Variants in RUSC2 observed in about 807,000 individuals in gnomAD.
The protein encoded by RUSC2 is AP-4 complex accessory subunit RUSC2.
Under a neutral mutation model 122.2 loss-of-function variants are expected in RUSC2, and 34 were observed. The ratio of observed to expected loss-of-function variants is 0.28; its 90% CI spans 0.21 to 0.37. The LOEUF is 0.37. RUSC2 is among the 10% of genes least tolerant of loss of function. The pLI, the probability that RUSC2 is intolerant of heterozygous loss-of-function variation, is 1.00. For synonymous variants in RUSC2, 784 were observed against 790.0 expected (o/e 0.99, Z 0.13); for missense variants, 1,747 against 1,952.4 (o/e 0.89, Z 1.98).
Position 35,556,392 on chromosome 9 carries a change from G to A in RUSC2, c.2927G>A (p.Cys976Tyr). The A allele has an allele frequency of 6.2e-7, 1 of 1,614,184 alleles. No individual in the cohort carries two copies. Among genetic ancestry groups the A allele is most frequent in the Non-Finnish European group, 8.5e-7 (1 of 1,180,030 alleles). Residue 976 changes from cysteine (C) to tyrosine (Y), a missense_variant, in exon 5 of 12, where the codon TGT becomes TAT. Cys to Tyr is a radical substitution (Grantham distance 194). Transcript: ENST00000361226. ...SLTEKPPAEFCLSPDGSSEAI... is the reference protein window; with the variant it reads ...SLTEKPPAEFYLSPDGSSEAI... ...ACGGAGAAGCCTCCAGCTGAGTTTT[G>A]TCTGTCCCCAGATGGCAGCTCAGAG...
At chr9:35,530,778 T>C (rs1257474436) in intron 1 of RUSC2, among the ~76,000 whole-genome samples, 3 of 151,862 alleles carry the variant, frequency 2.0e-5, no homozygotes, top group Admixed American at 1.3e-4. Context: ...CAGCTGGGAT[T>C]ACACACACAC....
In RUSC2 at chr9:35,558,474, A is replaced by G. The variant is rs1344038665; in HGVS notation, c.3248A>G (p.Lys1083Arg). The part of the protein sequence containing the change: ...EASTQLGPST[K>R]VLHGLYNKVS... ...GGCTTCCTCCCAGGCCCATCCACCA[A>G]GGTCCTGCATGGCCTCTACAACAAA... Residue 1083 changes from lysine (K) to arginine (R), a missense_variant, in exon 8 of 12, where the codon AAG becomes AGG. By Grantham distance (26) the Lys-to-Arg change is conservative. Coordinates refer to ENST00000361226, the MANE Select transcript of RUSC2 (RefSeq NM_014806.5). This position sits in a 1 kb window ranked among gnomAD's most constrained non-coding sequence, Gnocchi z 4.3. The G allele has an allele frequency of 1.2e-6, 2 of 1,614,082 alleles. No individual in the cohort carries two copies. Among genetic ancestry groups the G allele is most frequent in the South Asian group, 1.1e-5 (1 of 91,080 alleles).
At chr9:35,556,621 G>A (rs748817903) in intron 5 of RUSC2, among the ~76,000 whole-genome samples, 173 bp downstream of exon 5, 2 of 152,148 alleles carry the variant, frequency 1.3e-5, no homozygotes, top group Admixed American at 1.3e-4. Context: ...TCAGGAGTTC[G>A]AGGCCAGCCT....
At chr9:35,544,317 T>TTTTTA (rs1469274280) in intron 1 of RUSC2, among the ~76,000 whole-genome samples, 1 of 147,354 alleles carries the variant, frequency 6.8e-6, no homozygotes. Context: ...CTTTTTTTTT[T>TTTTTA]TTTTTTTTTG....
intron 1 of RUSC2, among the ~76,000 whole-genome samples, chr9:35,538,256 G>T (rs568140060): frequency 2.6e-5 from 4 of 152,166 alleles, no homozygotes; most frequent in African/African-American, 7.2e-5. Context: ...ATTGAATACC[G>T]TGTTAGGAAG....
chr9:35,542,896 G>A (rs1249220074), intron 1 of RUSC2, among the ~76,000 whole-genome samples: 2 of 152,122 alleles, frequency 1.3e-5, no homozygotes, highest in South Asian at 2.1e-4. Flanking sequence ...TGGTTTTGTG[G>A]CAGAATCATA....
rs899546143 is a variant in RUSC2, at chr9:35,555,424, T to C, written c.2379T>C (p.Thr793=). 6.2e-6 allele frequency: 10 copies of C among 1,614,110 alleles called. No individual in the cohort carries two copies. The highest frequency in any genetic ancestry group is 1.7e-5 in the Admixed American group (1 of 60,010). Residue 793 remains threonine, a synonymous_variant, in exon 3 of 12, where the codon ACT becomes ACC. Coordinates refer to ENST00000361226, the MANE Select transcript of RUSC2 (RefSeq NM_014806.5). The surrounding 1 kb of genome is among the most constrained non-coding windows in gnomAD (Gnocchi z 4.6). ...IRSVGPFGPS[T]DSSASTSCSP... is the part of the protein sequence containing the mutation. ...GTGTTGGCCCCTTTGGGCCCAGCAC[T>C]GACTCTTCTGCCTCCACTTCGTGCT...
At chr9:35,517,746 T>C (rs1274315807) in intron 1 of RUSC2, among the ~76,000 whole-genome samples, 4 of 152,174 alleles carry the variant, frequency 2.6e-5, no homozygotes, top group Admixed American at 2.6e-4. Context: ...GTGGCCACTG[T>C]GACCCTAGAA....
At chr9:35,490,489 C>A (rs1820543767) in intron 1 of RUSC2, among the ~76,000 whole-genome samples, 1 of 152,116 alleles carries the variant, frequency 6.6e-6, no homozygotes, top group African/African-American at 2.4e-5. Context: ...CTCAAACTGC[C>A]CCCTTGGGGA....
Position 35,558,415 on chromosome 9 carries a change from G to A in RUSC2, c.3235+44G>A, listed in dbSNP as rs369863390. 3.5e-4 allele frequency: 559 copies of A among 1,613,804 alleles called. No homozygotes were observed. Among genetic ancestry groups the A allele is most frequent in the Non-Finnish European group, 4.4e-4 (524 of 1,179,866 alleles). ...GACGGGGACCCAGGGCTGAATTTAG[G>A]GCTCCAGAAATTGGTCATGTGACCT... is the stretch of plus-strand genomic sequence containing the variant. On this transcript the variant is annotated intron_variant, in intron 7 of 11. Coordinates refer to ENST00000361226, the MANE Select transcript of RUSC2 (RefSeq NM_014806.5). The surrounding 1 kb of genome is among the most constrained non-coding windows in gnomAD (Gnocchi z 4.3).
At chr9:35,512,223 C>G (rs1172626939) in intron 1 of RUSC2, among the ~76,000 whole-genome samples, 1 of 152,022 alleles carries the variant, frequency 6.6e-6, no homozygotes, top group Non-Finnish European at 1.5e-5. Flanking sequence ...TCAGGTATAA[C>G]TCTTCTTTTA....
At chr9:35,495,200 ATAATTT>A (rs367869718) in intron 1 of RUSC2, among the ~76,000 whole-genome samples, 1,623 of 16,344 alleles carry the variant, frequency 0.099, 117 homozygotes, top group Non-Finnish European at 0.16. Context: ...TTATTATAAT[ATAATTT>A]ATTATATATA....
intron 1 of RUSC2, among the ~76,000 whole-genome samples, chr9:35,493,553 G>C (rs1479122210): frequency 1.3e-5 from 2 of 152,136 alleles, no homozygotes; most frequent in African/African-American, 4.8e-5. Flanking sequence ...AACCAGGCTA[G>C]AGTGCAGTGG....
intron 1 of RUSC2, among the ~76,000 whole-genome samples, chr9:35,521,024 T>A (rs1453645115): frequency 6.6e-6 from 1 of 152,048 alleles, no homozygotes; most frequent in Non-Finnish European, 1.5e-5. Flanking sequence ...TACAACAAAT[T>A]CCCAGTCTCT....
chr9:35,540,107 C>T (rs564247978), intron 1 of RUSC2, among the ~76,000 whole-genome samples: 1 of 152,296 alleles, frequency 6.6e-6, no homozygotes, highest in South Asian at 2.1e-4. Flanking sequence ...CCCATTTCCA[C>T]ACCTGTAATC....
chr9:35,560,716 G>T lies in RUSC2; in HGVS notation c.4076G>T (p.Ser1359Ile). 6.4e-7 allele frequency: 1 copy of T among 1,551,840 alleles called. No homozygotes were observed. The highest frequency in any genetic ancestry group is 1.2e-5 in the South Asian group (1 of 83,504). Residue 1359 changes from serine to isoleucine, a missense_variant, in exon 10 of 12, where the codon AGT (serine) becomes ATT (isoleucine). Ser to Ile is a moderately radical substitution (Grantham distance 142). Coordinates refer to ENST00000361226, the MANE Select transcript of RUSC2 (RefSeq NM_014806.5). ...TCTGTGCTGGCCGAGCTGAGGCGCA[G>T]TCGGGAGAGGGAAGGGCCCGCTGCC... ...PDSVLAELRR[S>I]REREGPAASP... is the part of the protein sequence containing the mutation.
rs55870659 is a variant in RUSC2 at position 35,544,307 on chromosome 9, C to CTTTTTTTTTT, written c.-92-2113_-92-2104dup. On this transcript the variant is annotated intron_variant, in intron 1 of 11. Transcript: ENST00000361226. ...CCCTGTCTTAAACTGGATCATATGT[C>CTTTTTTTTTT]TTTTTTTTTTTTTTTTTTTGAGACA... is the stretch of plus-strand genomic sequence containing the variant. Among the ~76,000 whole-genome samples, 3 of 113,114 alleles carry CTTTTTTTTTT rather than the reference C, an allele frequency of 2.7e-5. 1 individual carries two copies. The highest frequency in any genetic ancestry group is 3.4e-5 in the African/African-American group (1 of 29,520). 74.2% of individuals were successfully genotyped at this position (113,114 alleles called of 152,430 possible). A position where few individuals can be genotyped will look rare whatever the true frequency, so the allele number is the denominator to read the frequency against.
At chr9:35,556,185 C>T (rs749902165) in intron 4 of RUSC2, 48 bp downstream of exon 4, 221 of 1,604,676 alleles carry the variant, frequency 1.4e-4, no homozygotes, top group Admixed American at 2.0e-4. Context: ...TCTGCCATGG[C>T]TGGAAAGGGC....
chr9:35,517,145 T>C (rs1282968017), intron 1 of RUSC2, among the ~76,000 whole-genome samples: 7 of 152,170 alleles, frequency 4.6e-5, no homozygotes, highest in Non-Finnish European at 1.0e-4. Flanking sequence ...TTGAGGCCTC[T>C]TCTCTGAAAG....
Sources: gnomAD v4.1 joint callset for allele counts (sites outside exome capture counted in the v4.1 genomes callset) on GRCh38, gnomAD v4.1.1 for gene constraint, Gnocchi (gnomAD v3.1) non-coding constraint, MANE v1.5 for transcripts, NCBI Gene and HGNC (gene_info 2026-07-23, HGNC 2026-07-21) for gene names.